NES: variants seen among roughly 807,000 people sequenced by gnomAD.
NES encodes nestin.
A neutral mutation model predicts 35.6 loss-of-function variants in NES; 27 were observed. The ratio of observed to expected loss-of-function variants is 0.76; its 90% confidence interval spans 0.56 to 1.04. The LOEUF (loss-of-function observed/expected upper bound fraction) is 1.04, where lower values mean the gene tolerates loss of function less well. NES is among the 50% of genes least tolerant of loss of function. The pLI, the probability that NES is intolerant of heterozygous loss-of-function variation, is 0.00. For missense variants in NES, 1,867 were observed against 1,983.6 expected (o/e 0.94, Z 1.12); for synonymous variants, 822 against 824.2 (o/e 1.00, Z 0.04).
Position 156,676,281 on chromosome 1 carries a change from G to A in NES, c.783+201C>T, listed in dbSNP as rs1040351846. On this transcript the variant is annotated intron_variant, in intron 1 of 3. Coordinates refer to ENST00000368223, the MANE Select transcript of NES (RefSeq NM_006617.2). The surrounding 1 kb of genome is among the most constrained non-coding windows in gnomAD (Gnocchi z 5.3). ...GGGCCTGACTGCCCACCCGGGATGT[G>A]CTTCGAGAAGCCCCACCATTCGCAT... is the stretch of plus-strand genomic sequence containing the variant. 2.0e-5 allele frequency among the ~76,000 whole-genome samples: 3 copies of A among 152,216 alleles called. No individual in the cohort carries two copies. The highest frequency in any genetic ancestry group is 6.5e-5 in the Admixed American group (1 of 15,296).
chr1:156,669,391 G>C lies in NES; in HGVS notation c.4797C>G (p.Gly1599=). 1 of 1,611,398 alleles carries C rather than the reference G, an allele frequency of 6.2e-7. No individual in the cohort carries two copies. Among genetic ancestry groups the C allele is most frequent in the Non-Finnish European group, 8.5e-7 (1 of 1,178,104 alleles). ...GAGTGAACTTCAGGAACTGACCCTG[G>C]CCCAGGTGAACAGGAGCCCCTGCCC... ...TSWAGAPVHL[G]QGQFLKFTQR... Residue 1599 remains glycine, a synonymous_variant, in exon 4 of 4, where the codon GGC becomes GGG. Coordinates refer to ENST00000368223, the MANE Select transcript of NES (RefSeq NM_006617.2).
In NES at chr1:156,673,287, A is replaced by C. The variant is rs1320478803; in HGVS notation, c.983-82T>G. 7.6e-6 allele frequency: 10 copies of C among 1,317,040 alleles called. No homozygotes were observed. In the Admixed American group the frequency reaches 2.6e-4, roughly 35 times the overall value. 81.6% of individuals were successfully genotyped at this position (1,317,040 alleles called of 1,614,324 possible). A position where few individuals can be genotyped will look rare whatever the true frequency, so the allele number is the denominator to read the frequency against. ...CCACAGAGCAGCCACCGCTGGCAAG[A>C]GTATCCATGCGCCTGCCCCTGGCGC... On this transcript the variant is annotated intron_variant, in intron 3 of 3. Transcript: ENST00000368223.
Position 156,670,011 on chromosome 1 carries a change from C to T in NES, c.4177G>A (p.Val1393Met), listed in dbSNP as rs376836737. ...PGEVAEPLGQ[V>M]PQLLLDPAAW... Reference sequence around the variant, plus strand: ...GCAGGATCCAGTAGCAGCTGGGGCACCTGGCCCAGAGGTTCTGCCACCTCC... The same window carrying T: ...GCAGGATCCAGTAGCAGCTGGGGCATCTGGCCCAGAGGTTCTGCCACCTCC... Residue 1393 changes from valine to methionine, a missense_variant, in exon 4 of 4, where the codon GTG becomes ATG. Transcript: ENST00000368223. 1.4e-5 allele frequency: 22 copies of T among 1,613,850 alleles called. No individual in the cohort carries two copies. Among genetic ancestry groups the T allele is most frequent in the Non-Finnish European group, 1.8e-5 (21 of 1,180,000 alleles).
In NES at chr1:156,668,769, G is replaced by A. The variant is rs1331848901; in HGVS notation, c.*553C>T. ...GGGAAAGAAGAGTCCAGACTTTGAA[G>A]CGGAGGCATTACTTTATTCAGGCAG... On this transcript the variant is annotated 3_prime_UTR_variant, in exon 4 of 4. Transcript: ENST00000368223. 1 of 151,370 alleles carries A rather than the reference G, an allele frequency of 6.6e-6. No individual in the cohort carries two copies. Among genetic ancestry groups the A allele is most frequent in the African/African-American group, 2.4e-5 (1 of 41,204 alleles). The allele number at this position is 151,370 out of a possible 1,614,324, so 9.4% of individuals were successfully genotyped here. A position where few individuals can be genotyped will look rare whatever the true frequency, so the allele number is the denominator to read the frequency against.
chr1:156,670,903 C>G lies in NES; in HGVS notation c.3285G>C (p.Ala1095=), dbSNP rs781257145. The change falls in exon 4 of 4, where the codon GCG becomes GCC. Residue 1095 remains alanine (A), a synonymous_variant. Coordinates refer to ENST00000368223, the MANE Select transcript of NES (RefSeq NM_006617.2). ...GSEPAMGESA[A]GAEPGPGQGV... Reference sequence around the variant, plus strand: ...CCTGCCCCGGGCCTGGCTCAGCTCCCGCAGCAGACTCACCCATGGCAGGCT... The same window carrying G: ...CCTGCCCCGGGCCTGGCTCAGCTCCGGCAGCAGACTCACCCATGGCAGGCT... 7 of 1,611,580 alleles carry G rather than the reference C, an allele frequency of 4.3e-6. No individual in the cohort carries two copies. The South Asian group carries it at 7.7e-5, about 18-fold the overall frequency.
intron 1 of NES, 34 bp from the exon 2 acceptor site, chr1:156,675,374 G>C: frequency 6.4e-7 from 1 of 1,571,896 alleles, no homozygotes; most frequent in Non-Finnish European, 8.7e-7. Flanking sequence ...CAGTGGAGGG[G>C]CTGGGGTCCC....
At position 156,670,790 on chromosome 1, in the gene NES, C is replaced by G. The variant is rs200836181; in HGVS notation, c.3398G>C (p.Arg1133Thr). The G allele has an allele frequency of 8.8e-5, 142 of 1,614,154 alleles. No homozygotes were observed. The highest frequency in any genetic ancestry group is 1.3e-4 in the Admixed American group (8 of 60,030). ...TCTAGGCCCTTCCAAGCCCTGAACCCTCTTTGCCTCCAAACTCTCCTCTTC... is the reference window on the plus strand; with the variant it reads ...TCTAGGCCCTTCCAAGCCCTGAACCGTCTTTGCCTCCAAACTCTCCTCTTC... ...PLEEESLEAK[R>T]VQGLEGPRKD... The change falls in exon 4 of 4, where the codon AGG (arginine) becomes ACG (threonine). Residue 1133 changes from arginine (R) to threonine (T), a missense_variant. Arg to Thr is a moderately conservative substitution (Grantham distance 71). Coordinates refer to ENST00000368223, the MANE Select transcript of NES (RefSeq NM_006617.2).
chr1:156,669,268 G>A lies in NES; in HGVS notation c.*54C>T, dbSNP rs115856653. On this transcript the variant is annotated 3_prime_UTR_variant, in exon 4 of 4. Transcript: ENST00000368223. ...CTGAGCAGGGAGCGGGCTTGGAGGC[G>A]TCCTTCCCCTCCCCGCACCCCTAAG... 1.5e-3 allele frequency: 1,966 copies of A among 1,321,618 alleles called. 13 individuals are homozygous for A. The African/African-American group carries it at 0.021, about 14-fold the overall frequency. 81.9% of individuals were successfully genotyped at this position (1,321,618 alleles called of 1,614,324 possible).
rs769410826 is a variant in NES, at chr1:156,670,153, T to G, written c.4035A>C (p.Pro1345=). The change falls in exon 4 of 4, where the codon CCA becomes CCC. Residue 1345 remains proline, a synonymous_variant. Transcript: ENST00000368223. ...AVLASEGLEA[P]PSEKEEGEEG... ...CCTCCCCCTCCTCCTTTTCTGAGGG[T>G]GGGGCCTCAAGGCCCTCGGAAGCCA... The G allele has an allele frequency of 4.8e-5, 77 of 1,613,936 alleles. 1 individual carries two copies. The South Asian group carries it at 7.8e-4, about 16-fold the overall frequency.
chr1:156,670,371 C>A lies in NES; in HGVS notation c.3817G>T (p.Glu1273Ter). 6.2e-7 allele frequency: 1 copy of A among 1,606,126 alleles called. No individual in the cohort carries two copies. The highest frequency in any genetic ancestry group is 1.1e-5 in the South Asian group (1 of 89,768). The change falls in exon 4 of 4, where the codon GAG becomes TAG. Residue 1273 changes from glutamate to a stop codon, truncating the protein, a stop_gained. Transcript: ENST00000368223. LOFTEE classifies it low-confidence loss of function (END_TRUNC). ...TCCTCCCCTTCCTCCTGGGGGCCCTCGGGGATCTCCCCAGAACCCAACTCC... is the reference window on the plus strand; with the variant it reads ...TCCTCCCCTTCCTCCTGGGGGCCCTAGGGGATCTCCCCAGAACCCAACTCC... ...QEELGSGEIP[E>*]GPQEEGEESR... is the part of the protein sequence containing the mutation.
In NES at chr1:156,673,038, T is replaced by C. The variant is rs1350458739; in HGVS notation, c.1150A>G (p.Thr384Ala). 1.6e-5 allele frequency: 25 copies of C among 1,610,716 alleles called. No homozygotes were observed. The highest frequency in any genetic ancestry group is 2.0e-5 in the Non-Finnish European group (24 of 1,177,762). ...GGGGGGATGGGGGTGCTGGCCAAGG[T>C]AGGGGTACGGGCCTGGAGGAATTCT... ...NQEFLQARTP[T>A]LASTPIPPTP... Residue 384 changes from threonine (T) to alanine (A), a missense_variant, in exon 4 of 4, where the codon ACC becomes GCC. Physicochemically the swap from Thr to Ala is moderately conservative, Grantham distance 58 (BLOSUM62 0). Transcript: ENST00000368223.
Position 156,671,404 on chromosome 1 carries a change from G to C in NES, c.2784C>G (p.Tyr928Ter). The part of the protein sequence containing the change: ...EEEENLGKGE[Y>*]QESLRSLEEE... Reference sequence around the variant, plus strand: ...CCTCCAGAGACCTCAGTGACTCTTGGTACTCTCCCTTTCCCAGGTTCTCTT... The same window carrying C: ...CCTCCAGAGACCTCAGTGACTCTTGCTACTCTCCCTTTCCCAGGTTCTCTT... The change falls in exon 4 of 4, where the codon TAC becomes TAG. Residue 928 changes from tyrosine (Y) to a stop codon, truncating the protein, a stop_gained. Transcript: ENST00000368223. LOFTEE classifies it low-confidence loss of function (END_TRUNC). 2 of 1,613,906 alleles carry C rather than the reference G, an allele frequency of 1.2e-6. No individual in the cohort carries two copies. The highest frequency in any genetic ancestry group is 4.5e-5 in the East Asian group (2 of 44,876).
Position 156,671,327 on chromosome 1 carries a change from G to C in NES, c.2861C>G (p.Thr954Arg). ...QSADVQRWED[T>R]VEKDQELAQE... is the part of the protein sequence containing the mutation. ...AGCCAGTTCTTGGTCCTTCTCCACC[G>C]TATCTTCCCACCTCTGCACATCTGC... is the stretch of plus-strand genomic sequence containing the variant. The change falls in exon 4 of 4, where the codon ACG becomes AGG. Residue 954 changes from threonine to arginine, a missense_variant. Physicochemically the swap from Thr to Arg is moderately conservative, Grantham distance 71. Coordinates refer to ENST00000368223, the MANE Select transcript of NES (RefSeq NM_006617.2). 1 of 1,613,990 alleles carries C rather than the reference G, an allele frequency of 6.2e-7. No homozygotes were observed. The highest frequency in any genetic ancestry group is 8.5e-7 in the Non-Finnish European group (1 of 1,180,022).
chr1:156,670,341 T>C lies in NES; in HGVS notation c.3847A>G (p.Arg1283Gly). ...AGCTCATCCTCCTCGCTCTCTTCTC[T>C]GCTCTCCTCCCCTTCCTCCTGGGGG... ...EGPQEEGEES[R>G]EESEEDELGE... Residue 1283 changes from arginine (R) to glycine (G), a missense_variant, in exon 4 of 4, where the codon AGA (arginine) becomes GGA (glycine). Arg to Gly is a moderately radical substitution (Grantham distance 125). Coordinates refer to ENST00000368223, the MANE Select transcript of NES (RefSeq NM_006617.2). 6.2e-7 allele frequency: 1 copy of C among 1,611,630 alleles called. No homozygotes were observed. The highest frequency in any genetic ancestry group is 8.5e-7 in the Non-Finnish European group (1 of 1,178,514).
rs763395461 is a variant in NES at position 156,670,773 on chromosome 1, C to T, written c.3415G>A (p.Gly1139Arg). 1.2e-6 allele frequency: 2 copies of T among 1,614,138 alleles called. No individual in the cohort carries two copies. Among genetic ancestry groups the T allele is most frequent in the East Asian group, 4.5e-5 (2 of 44,880 alleles). Residue 1139 changes from glycine (G) to arginine (R), a missense_variant, in exon 4 of 4, where the codon GGG (glycine) becomes AGG (arginine). Transcript: ENST00000368223. ...GCCTCCTCTAGGTCCTTTCTAGGCC[C>T]TTCCAAGCCCTGAACCCTCTTTGCC... ...LEAKRVQGLE[G>R]PRKDLEEAGG... is the part of the protein sequence containing the mutation.
chr1:156,671,112 C>A lies in NES; in HGVS notation c.3076G>T (p.Val1026Phe). ...CCTCCCTTCACACTGGCTCCCTCAA[C>A]CAGGCCTCTCTGCTCTTTGGGCTCA... ...SPEPKEQRGLVEGASVKGGAE... is the reference protein window; with the variant it reads ...SPEPKEQRGLFEGASVKGGAE... The change falls in exon 4 of 4, where the codon GTT becomes TTT. Residue 1026 changes from valine (V) to phenylalanine (F), a missense_variant. By Grantham distance (50) the Val-to-Phe change is conservative (BLOSUM62 -1). Coordinates refer to ENST00000368223, the MANE Select transcript of NES (RefSeq NM_006617.2). 6.2e-7 allele frequency: 1 copy of A among 1,614,122 alleles called. No homozygotes were observed. Among genetic ancestry groups the A allele is most frequent in the Non-Finnish European group, 8.5e-7 (1 of 1,180,012 alleles).
chr1:156,676,901 C>A lies in NES; in HGVS notation c.364G>T (p.Ala122Ser), dbSNP rs774927758. Residue 122 changes from alanine (A) to serine (S), a missense_variant, in exon 1 of 4, where the codon GCC becomes TCC. Physicochemically the swap from Ala to Ser is moderately conservative, Grantham distance 99. Transcript: ENST00000368223. The surrounding 1 kb of genome is among the most constrained non-coding windows in gnomAD (Gnocchi z 5.3). Reference sequence around the variant, plus strand: ...ACCTGGCTACTCAGCCAGGCCCGGGCGCATTTCTCTGCCTCGACGGCGCGC... The same window carrying A: ...ACCTGGCTACTCAGCCAGGCCCGGGAGCATTTCTCTGCCTCGACGGCGCGC... The part of the protein sequence containing the change: ...NRRAVEAEKC[A>S]RAWLSSQVAE... The A allele has an allele frequency of 1.9e-6, 3 of 1,552,386 alleles. No individual in the cohort carries two copies. The highest frequency in any genetic ancestry group is 1.8e-4 in the Middle Eastern group (1 of 5,512).
chr1:156,671,600 A>G lies in NES; in HGVS notation c.2588T>C (p.Leu863Pro). 3 of 1,613,922 alleles carry G rather than the reference A, an allele frequency of 1.9e-6. No individual in the cohort carries two copies. The highest frequency in any genetic ancestry group is 2.5e-6 in the Non-Finnish European group (3 of 1,180,026). The change falls in exon 4 of 4, where the codon CTA becomes CCA. Residue 863 changes from leucine to proline, a missense_variant. Physicochemically the swap from Leu to Pro is moderately conservative, Grantham distance 98 (BLOSUM62 -3). Coordinates refer to ENST00000368223, the MANE Select transcript of NES (RefSeq NM_006617.2). ...CAGTGGTTCTTGAATTTCCTTTTCT[A>G]GAGGATTCATTGCCCCCTGATTTAT... ...EEINQGAMNP[L>P]EKEIQEPLES...
rs1460968749 is a variant in NES, at chr1:156,677,173, T to A, written c.92A>T (p.Glu31Val). The change falls in exon 1 of 4, where the codon GAG (glutamate) becomes GTG (valine). Residue 31 changes from glutamate to valine, a missense_variant. Glu to Val is a moderately radical substitution (Grantham distance 121). Transcript: ENST00000368223. This position sits in a 1 kb window ranked among gnomAD's most constrained non-coding sequence, Gnocchi z 4.5. Reference sequence around the variant, plus strand: ...CTCCGCGCTGAGCAGCTCATTCTGCTCCTCCAGCGCCTTGACCCGGGCCAG... The same window carrying A: ...CTCCGCGCTGAGCAGCTCATTCTGCACCTCCAGCGCCTTGACCCGGGCCAG... ...AYLARVKALE[E>V]QNELLSAELG... 15 of 1,612,152 alleles carry A rather than the reference T, an allele frequency of 9.3e-6. No individual in the cohort carries two copies. The highest frequency in any genetic ancestry group is 2.7e-5 in the African/African-American group (2 of 74,876).
Sources: gnomAD v4.1 joint callset for allele counts (sites outside exome capture counted in the v4.1 genomes callset) on GRCh38, gnomAD v4.1.1 for gene constraint, Gnocchi (gnomAD v3.1) non-coding constraint, MANE v1.5 for transcripts, NCBI Gene and HGNC (gene_info 2026-07-23, HGNC 2026-07-21) for gene names.